Variants in TTLL5 observed in about 807,000 individuals in gnomAD.
TTLL5 encodes the protein tubulin polyglutamylase TTLL5.
TTLL5 carries 132 observed loss-of-function variants against 168.4 expected under a neutral mutation model. The observed-to-expected ratio is 0.78, with a 90% CI of 0.68 to 0.91. TTLL5 has a LOEUF of 0.91. Among genes scored for constraint, TTLL5 ranks in the 40% least tolerant of loss-of-function variants. The pLI is 0.00. For missense variants in TTLL5, 1,545 were observed against 1,581.5 expected (o/e 0.98, Z 0.39); for synonymous variants, 546 against 558.6 (o/e 0.98, Z 0.32).
intron 28 of TTLL5, among the ~76,000 whole-genome samples, chr14:75,825,777 G>A (rs1895088771): frequency 6.6e-6 from 1 of 151,990 alleles, no homozygotes; most frequent in African/African-American, 2.4e-5. Flanking sequence ...TTTCTCCTGA[G>A]TCTTAACTCT....
chr14:75,843,416 G>C (rs768606235), intron 28 of TTLL5, among the ~76,000 whole-genome samples: 5 of 152,208 alleles, frequency 3.3e-5, no homozygotes, highest in Non-Finnish European at 7.3e-5. Flanking sequence ...AGAAGGAAAG[G>C]GGGTTACTAA....
At chr14:75,887,631 A>C (rs2032185858) in intron 30 of TTLL5, among the ~76,000 whole-genome samples, 1 of 152,194 alleles carries the variant, frequency 6.6e-6, no homozygotes. Context: ...GGCTGAGCTC[A>C]AACTGGAACT....
Position 75,735,144 on chromosome 14 carries a change from GC to G in TTLL5, c.1187-50del, listed in dbSNP as rs768825732. The G allele has an allele frequency of 9.7e-5, 151 of 1,558,570 alleles. No individual in the cohort carries two copies. The African/African-American group carries it at 1.9e-3, about 20-fold the overall frequency. On this transcript the variant is annotated intron_variant, in intron 14 of 31. Transcript: ENST00000298832. The stretch of plus-strand genomic sequence containing the variant: ...CTAAAGAAAAGGTGCAGCCAGACCT[GC>G]TAATTTCTTAGAAAATGGCAGGTTT...
chr14:75,704,375 C>T (rs1255381675), intron 7 of TTLL5, among the ~76,000 whole-genome samples: 1 of 152,046 alleles, frequency 6.6e-6, no homozygotes, highest in African/African-American at 2.4e-5. Flanking sequence ...CCCATCTCTA[C>T]TAAAAATACA....
chr14:75,676,845 A>G (rs926480752), intron 3 of TTLL5, among the ~76,000 whole-genome samples: 16 of 150,068 alleles, frequency 1.1e-4, no homozygotes, highest in African/African-American at 3.9e-4. Context: ...ATTACAACTC[A>G]CTACTACAGC....
intron 31 of TTLL5, among the ~76,000 whole-genome samples, chr14:75,924,570 G>A (rs867272852): frequency 6.6e-5 from 10 of 151,922 alleles, no homozygotes; most frequent in Admixed American, 2.0e-4. Context: ...AGTGGACACA[G>A]CACATGTTTC....
chr14:75,762,938 G>C (rs894826526), intron 18 of TTLL5, among the ~76,000 whole-genome samples: 1 of 152,032 alleles, frequency 6.6e-6, no homozygotes. Flanking sequence ...ACTTATTAGG[G>C]TGTTGAATTA....
intron 31 of TTLL5, among the ~76,000 whole-genome samples, chr14:75,941,159 G>C (rs1451560748): frequency 6.6e-6 from 1 of 152,222 alleles, no homozygotes; most frequent in Non-Finnish European, 1.5e-5. Flanking sequence ...GTCCCATGTG[G>C]CTGCATTGCA....
chr14:75,939,574 G>A (rs990870964), intron 31 of TTLL5, among the ~76,000 whole-genome samples: 1 of 152,118 alleles, frequency 6.6e-6, no homozygotes, highest in Non-Finnish European at 1.5e-5. Flanking sequence ...ATTTTTAGTA[G>A]AGATGAGTTT....
At chr14:75,852,426 C>G (rs1294388064) in intron 28 of TTLL5, among the ~76,000 whole-genome samples, 1 of 152,166 alleles carries the variant, frequency 6.6e-6, no homozygotes, top group African/African-American at 2.4e-5. Context: ...ACCCTGTTCT[C>G]AAGCAAGGAG....
intron 9 of TTLL5, among the ~76,000 whole-genome samples, chr14:75,708,211 C>T (rs1483779993): frequency 6.6e-6 from 1 of 151,696 alleles, no homozygotes; most frequent in African/African-American, 2.4e-5. Context: ...GGGATTTGAC[C>T]TCATGGATCT....
Position 75,766,174 on chromosome 14 carries a change from T to C in TTLL5, c.1821T>C (p.Ser607=), listed in dbSNP as rs763577337. The change falls in exon 20 of 32, where the codon TCT becomes TCC. Residue 607 remains serine (S), a synonymous_variant. Transcript: ENST00000298832. ...AACAGGAGGCTTCCCAGGAGGAGTC[T>C]GCAGGATTTCTTAGAGAAAATCAAG... ...DEEQEASQEE[S]AGFLRENQAK... 1 of 1,614,104 alleles carries C rather than the reference T, an allele frequency of 6.2e-7. No individual in the cohort carries two copies. The highest frequency in any genetic ancestry group is 1.1e-5 in the South Asian group (1 of 91,078).
Position 75,948,894 on chromosome 14 carries a change from C to A in TTLL5, c.3824-5530C>A, listed in dbSNP as rs547337480. ...ACAAATATTTACTCAAGAAGAAATA[C>A]AAAATCCAAATATTCCTTTAATTAT... On this transcript the variant is annotated intron_variant, in intron 31 of 31. Coordinates refer to ENST00000298832, the MANE Select transcript of TTLL5 (RefSeq NM_015072.5). 4.1e-4 allele frequency among the ~76,000 whole-genome samples: 63 copies of A among 152,216 alleles called. No homozygotes were observed. In the South Asian group the frequency reaches 0.01, roughly 25 times the overall value.
intron 31 of TTLL5, among the ~76,000 whole-genome samples, chr14:75,913,335 G>T (rs1351116567): frequency 2.0e-5 from 3 of 152,018 alleles, no homozygotes; most frequent in African/African-American, 2.4e-5. Flanking sequence ...CTCCTGTCCA[G>T]CCCTACCCTA....
intron 18 of TTLL5, among the ~76,000 whole-genome samples, chr14:75,759,067 TGTTCATTGATAAG>T (rs1413655918): frequency 1.3e-5 from 2 of 152,102 alleles, no homozygotes; most frequent in African/African-American, 4.8e-5. Context: ...ATCCAAAGTG[TGTTCATTGATAAG>T]GTAGCATAAT....
chr14:75,688,470 A>G (rs1885223565), intron 5 of TTLL5, among the ~76,000 whole-genome samples: 1 of 152,166 alleles, frequency 6.6e-6, no homozygotes, highest in African/African-American at 2.4e-5. Flanking sequence ...CTTTTTAATA[A>G]ACCAGTAAAC....
chr14:75,793,626 G>A (rs1892841123), intron 27 of TTLL5, among the ~76,000 whole-genome samples: 1 of 152,166 alleles, frequency 6.6e-6, no homozygotes. Context: ...GCTGAAATAA[G>A]TGATGTGATC....
rs752642602 is a variant in TTLL5, at chr14:75,732,318, G to C, written c.1043-20G>C. 2.5e-6 allele frequency: 4 copies of C among 1,606,552 alleles called. No individual in the cohort carries two copies. The highest frequency in any genetic ancestry group is 3.4e-6 in the Non-Finnish European group (4 of 1,174,070). On this transcript the variant is annotated intron_variant, in intron 12 of 31. Coordinates refer to ENST00000298832, the MANE Select transcript of TTLL5 (RefSeq NM_015072.5). Reference sequence around the variant, plus strand: ...GACATGGAAAATGATCTTGTGTATTGTGTTGTGTTGTATTTCTAGAACTCT... The same window carrying C: ...GACATGGAAAATGATCTTGTGTATTCTGTTGTGTTGTATTTCTAGAACTCT...
chr14:75,786,262 G>A (rs1441360715), intron 26 of TTLL5, among the ~76,000 whole-genome samples: 2 of 152,030 alleles, frequency 1.3e-5, no homozygotes, highest in Non-Finnish European at 2.9e-5. Context: ...TTTTCCCCAT[G>A]TAAGAAATTC....
Sources: allele counts gnomAD v4.1 joint callset (sites outside exome capture counted in the v4.1 genomes callset), GRCh38; gene constraint gnomAD v4.1.1; transcripts MANE v1.5; gene names NCBI Gene and HGNC (gene_info 2026-07-23, HGNC 2026-07-21).